Variants in WWOX observed in about 807,000 individuals in gnomAD.
WWOX encodes WW domain-containing oxidoreductase.
WWOX carries 69 observed loss-of-function variants against 46.2 expected under a neutral mutation model. The observed-to-expected ratio is 1.49, with a 90% confidence interval of 1.23 to 1.82. The LOEUF is 1.82. Ranked by LOEUF, WWOX falls within the 40% of genes most tolerant of loss-of-function variation. WWOX has a pLI of 0.00. For missense variants in WWOX, 919 were observed against 542.6 expected (o/e 1.69, Z -6.89); for synonymous variants, 359 against 202.6 (o/e 1.77, Z -6.56).
chr16:79,057,136 C>G (rs2048277998), intron 8 of WWOX, among the ~76,000 whole-genome samples: 1 of 152,192 alleles, frequency 6.6e-6, no homozygotes, highest in African/African-American at 2.4e-5. Context: ...AGCGCAGGTT[C>G]TCTAACACAC....
At position 78,582,590 on chromosome 16, in the gene WWOX, C is replaced by A. The variant is rs17707676; in HGVS notation, c.1056+149838C>A. On this transcript the variant is annotated intron_variant, in intron 8 of 8. Transcript: ENST00000566780. ...TCTAATTATATGTTGATCAATGACACCTTTACAAAACTGTCATCAGTCTAT... is the reference window on the plus strand; with the variant it reads ...TCTAATTATATGTTGATCAATGACAACTTTACAAAACTGTCATCAGTCTAT... Among the ~76,000 whole-genome samples the A allele has an allele frequency of 2.2e-3, 342 of 152,300 alleles. 1 individual carries two copies. Among genetic ancestry groups the A allele is most frequent in the Non-Finnish European group, 4.3e-3 (292 of 68,020 alleles).
intron 5 of WWOX, among the ~76,000 whole-genome samples, chr16:78,274,339 A>G (rs1489774225): frequency 6.6e-6 from 1 of 152,076 alleles, no homozygotes; most frequent in African/African-American, 2.4e-5. Context: ...TCTGTTTTTG[A>G]TGGGATTTAT....
At chr16:79,016,635 C>G (rs548088192) in intron 8 of WWOX, 2 of 151,988 alleles carry the variant, frequency 1.3e-5, no homozygotes, top group Non-Finnish European at 2.9e-5. Flanking sequence ...GTTGCTCAGG[C>G]TGGTCTCAAA....
At chr16:78,227,746 G>T (rs578001664) in intron 5 of WWOX, among the ~76,000 whole-genome samples, 1 of 151,958 alleles carries the variant, frequency 6.6e-6, no homozygotes, top group Non-Finnish European at 1.5e-5. Flanking sequence ...GTGCGGTGGC[G>T]CAAACCTGTA....
chr16:78,772,759 C>T (rs968648006), intron 8 of WWOX, among the ~76,000 whole-genome samples: 2 of 152,148 alleles, frequency 1.3e-5, no homozygotes, highest in Admixed American at 6.6e-5. Context: ...TGGCTCACAC[C>T]TGTAATCTCA....
intron 5 of WWOX, among the ~76,000 whole-genome samples, chr16:78,190,698 A>C (rs1463586423): frequency 6.6e-6 from 1 of 152,176 alleles, no homozygotes. Flanking sequence ...TTTCAGAGTC[A>C]AAAACCACTT....
At chr16:78,962,854 T>G (rs1597211415) in intron 8 of WWOX, among the ~76,000 whole-genome samples, 4 of 152,334 alleles carry the variant, frequency 2.6e-5, no homozygotes, top group Admixed American at 2.6e-4. Flanking sequence ...TCTATCAGCA[T>G]AGTTTTCTGT....
At chr16:78,555,663 G>A (rs1211120883) in intron 8 of WWOX, among the ~76,000 whole-genome samples, 1 of 150,678 alleles carries the variant, frequency 6.6e-6, no homozygotes, top group Non-Finnish European at 1.5e-5. Context: ...CCTCTTATGA[G>A]CAAGGCAAAA....
intron 8 of WWOX, among the ~76,000 whole-genome samples, chr16:78,727,657 C>A (rs1445458233): frequency 6.6e-6 from 1 of 152,108 alleles, no homozygotes; most frequent in East Asian, 1.9e-4. Flanking sequence ...TTAAATTCTT[C>A]TTTTTCCCTT....
intron 5 of WWOX, among the ~76,000 whole-genome samples, chr16:78,251,152 G>T (rs952963551): frequency 2.6e-5 from 4 of 152,180 alleles, no homozygotes; most frequent in Non-Finnish European, 5.9e-5. Context: ...GGAATAACTT[G>T]CCTAGTTCTG....
intron 2 of WWOX, among the ~76,000 whole-genome samples, chr16:78,108,950 T>C (rs1344199837): frequency 6.6e-6 from 1 of 152,208 alleles, no homozygotes; most frequent in Non-Finnish European, 1.5e-5. Flanking sequence ...ATCACACCAC[T>C]GCGCTCCAGC....
At chr16:78,943,659 A>G (rs996209597) in intron 8 of WWOX, among the ~76,000 whole-genome samples, 11 of 152,226 alleles carry the variant, frequency 7.2e-5, no homozygotes, top group Non-Finnish European at 2.9e-5. Flanking sequence ...GAAAAAATCC[A>G]GAAGAGTGTA....
At chr16:78,519,057 A>G (rs4319778) in intron 8 of WWOX, among the ~76,000 whole-genome samples, 70,468 of 152,204 alleles carry the variant, frequency 0.46, 19,933 homozygotes, top group Middle Eastern at 0.62. Flanking sequence ...ATTTAATCTT[A>G]TACATGAGAC....
chr16:78,145,985 A>G (rs755968159), intron 4 of WWOX: 2 of 152,028 alleles, frequency 1.3e-5, no homozygotes, highest in African/African-American at 2.4e-5. Context: ...TTTCATGTTG[A>G]TTTTATCTCC....
chr16:78,766,927 C>G lies in WWOX; in HGVS notation c.1056+334175C>G, dbSNP rs186603950. Among the ~76,000 whole-genome samples the G allele has an allele frequency of 3.1e-3, 473 of 152,238 alleles. 8 individuals carry two copies. The highest frequency in any genetic ancestry group is 3.4e-3 in the Middle Eastern group (1 of 294). ...TTTCATCACATCTTTTAAAAAATAA[C>G]TGCCCCTTCCTCACTTCCCCAAGCT... On this transcript the variant is annotated intron_variant, in intron 8 of 8. Coordinates refer to ENST00000566780, the MANE Select transcript of WWOX (RefSeq NM_016373.4).
intron 8 of WWOX, among the ~76,000 whole-genome samples, chr16:78,463,805 G>C (rs367957695): frequency 7.9e-5 from 12 of 152,316 alleles, no homozygotes; most frequent in African/African-American, 2.6e-4. Context: ...AGAGTTTAAA[G>C]AAGTGTTTTA....
chr16:78,231,886 G>A (rs1818986875), intron 5 of WWOX, among the ~76,000 whole-genome samples: 1 of 82,114 alleles, frequency 1.2e-5, no homozygotes, highest in African/African-American at 6.6e-5. Context: ...TTTTTTCTGA[G>A]GTCTAATCTT....
chr16:79,203,207 C>G (rs1012669680), intron 8 of WWOX: 1 of 152,178 alleles, frequency 6.6e-6, no homozygotes, highest in Admixed American at 6.5e-5. Context: ...AAGCTATCAC[C>G]ATTAATTATG....
At chr16:78,714,970 C>T (rs1220902422) in intron 8 of WWOX, among the ~76,000 whole-genome samples, 1 of 152,132 alleles carries the variant, frequency 6.6e-6, no homozygotes, top group Admixed American at 6.5e-5. Context: ...CTGAGGACAA[C>T]ACTATAACTG....
Sources: allele counts gnomAD v4.1 joint callset (sites outside exome capture counted in the v4.1 genomes callset), GRCh38; gene constraint gnomAD v4.1.1; transcripts MANE v1.5; gene names NCBI Gene and HGNC (gene_info 2026-07-23, HGNC 2026-07-21).